Variants in ETS1 observed in about 807,000 individuals in gnomAD.
ETS1 encodes the protein ETS proto-oncogene 1, transcription factor, also known as protein C-ets-1.
Under a neutral mutation model 58.6 loss-of-function variants are expected in ETS1, and 15 were observed. The observed-to-expected ratio is 0.26, with a 90% CI of 0.17 to 0.39. The LOEUF is 0.39. Among genes scored for constraint, ETS1 ranks in the 10% least tolerant of loss-of-function variants. The pLI, the probability that ETS1 is intolerant of heterozygous loss-of-function variation, is 1.00. For missense variants in ETS1, 417 were observed against 610.5 expected (o/e 0.68, Z 3.34); for synonymous variants, 214 against 218.2 (o/e 0.98, Z 0.17).
rs367863500 is a variant in ETS1, at chr11:128,556,383, T to C, written c.122A>G (p.Gln41Arg). Residue 41 changes from glutamine to arginine, a missense_variant, in exon 3 of 10, where the codon CAG becomes CGG. By Grantham distance (43) the Gln-to-Arg change is conservative. Transcript: ENST00000392668. ...AGGTCTTTGCTGGTGATAATTGGAC[T>C]GGAAACCACAGTTCATTCGAGGATC... ...YEDPRMNCGF[Q>R]SNYHQQRPCY... 9 of 1,613,298 alleles carry C rather than the reference T, an allele frequency of 5.6e-6. No homozygotes were observed. The highest frequency in any genetic ancestry group is 3.4e-6 in the Non-Finnish European group (4 of 1,179,444).
chr11:128,554,501 A>G (rs767905731), intron 3 of ETS1, among the ~76,000 whole-genome samples: 8 of 152,152 alleles, frequency 5.3e-5, no homozygotes, highest in Non-Finnish European at 1.0e-4. Context: ...ACTGTCTCAT[A>G]GGCCATGAAA....
chr11:128,485,170 T>C, intron 6 of ETS1, 99 bp from the exon 7 acceptor site: 1 of 1,061,718 alleles, frequency 9.4e-7, no homozygotes. Flanking sequence ...GACAAGCTCC[T>C]TAGAGAATAA....
chr11:128,585,177 A>G lies in ETS1; in HGVS notation c.-15+2311T>C, dbSNP rs1469824389. Among the ~76,000 whole-genome samples the G allele has an allele frequency of 1.7e-3, 94 of 53,846 alleles. 4 individuals carry two copies. Among genetic ancestry groups the G allele is most frequent in the East Asian group, 2.2e-3 (3 of 1,336 alleles). The allele number at this position is 53,846 out of a possible 152,430, so 35.3% of individuals were successfully genotyped here. A position where few individuals can be genotyped will look rare whatever the true frequency, so the allele number is the denominator to read the frequency against. On this transcript the variant is annotated intron_variant, in intron 1 of 9. Coordinates refer to ENST00000392668, the MANE Select transcript of ETS1 (RefSeq NM_001143820.2). ...GAAAGAAAGAAAGAAAGAGAAAGAA[A>G]GAAAGAAAGAAGGAAGGAAAGAAAG...
At chr11:128,491,561 G>T (rs80199219) in intron 3 of ETS1, among the ~76,000 whole-genome samples, 4,414 of 152,322 alleles carry the variant, frequency 0.029, 76 homozygotes, top group Non-Finnish European at 0.046. Context: ...TTCTCAAAGT[G>T]TAGTCCTCAG....
chr11:128,578,100 T>G (rs1056834292), intron 1 of ETS1, among the ~76,000 whole-genome samples: 3 of 152,212 alleles, frequency 2.0e-5, no homozygotes, highest in Non-Finnish European at 2.9e-5. Flanking sequence ...TAGAGAGTTC[T>G]ATTCTTCATA....
intron 1 of ETS1, among the ~76,000 whole-genome samples, chr11:128,577,398 G>T (rs191595273): frequency 8.5e-5 from 13 of 152,052 alleles, no homozygotes; most frequent in Non-Finnish European, 1.9e-4. Flanking sequence ...GCCTTTCTCC[G>T]TACTCTGACA....
chr11:128,476,892 A>C (rs1862338185), intron 8 of ETS1, among the ~76,000 whole-genome samples: 1 of 152,274 alleles, frequency 6.6e-6, no homozygotes, highest in Non-Finnish European at 1.5e-5. Flanking sequence ...GCTAACAGGC[A>C]GGCTTTCAAG....
chr11:128,468,829 A>C (rs546270551), intron 8 of ETS1, among the ~76,000 whole-genome samples: 26 of 152,300 alleles, frequency 1.7e-4, no homozygotes, highest in African/African-American at 6.0e-4. Context: ...ACAGTGCCTC[A>C]CCAACAAACA....
At chr11:128,530,852 G>C (rs1863886163) in intron 3 of ETS1, among the ~76,000 whole-genome samples, 1 of 152,180 alleles carries the variant, frequency 6.6e-6, no homozygotes, top group South Asian at 2.1e-4. Flanking sequence ...CCACAGCATT[G>C]AGAGAGACCA....
chr11:128,527,456 C>T (rs1863821024), intron 3 of ETS1: 1 of 158,128 alleles, frequency 6.3e-6, no homozygotes, highest in Admixed American at 5.9e-5. Flanking sequence ...TCTGAGGTCT[C>T]ATCCACACTC....
At chr11:128,559,279 T>G (rs1864366316) in intron 2 of ETS1, among the ~76,000 whole-genome samples, 1 of 152,204 alleles carries the variant, frequency 6.6e-6, no homozygotes, top group African/African-American at 2.4e-5. Flanking sequence ...CTGGGAACAA[T>G]GTGCAGAGGA....
chr11:128,574,919 C>A (rs1864711864), intron 1 of ETS1, among the ~76,000 whole-genome samples: 1 of 152,170 alleles, frequency 6.6e-6, no homozygotes, highest in Admixed American at 6.5e-5. Context: ...TGTTGATCAT[C>A]CCTCCAGGGT....
At chr11:128,523,243 G>T (rs1863736170) in intron 3 of ETS1, among the ~76,000 whole-genome samples, 1 of 152,220 alleles carries the variant, frequency 6.6e-6, no homozygotes, top group Non-Finnish European at 1.5e-5. Flanking sequence ...AGCCATGACA[G>T]AATCACAATG....
At chr11:128,568,730 C>T (rs995734503) in intron 2 of ETS1, among the ~76,000 whole-genome samples, 1 of 152,218 alleles carries the variant, frequency 6.6e-6, no homozygotes, top group Admixed American at 6.5e-5. Context: ...ACCACTGTGG[C>T]TCCCATGGTT....
At chr11:128,471,626 C>T (rs1445229317) in intron 8 of ETS1, among the ~76,000 whole-genome samples, 1 of 152,144 alleles carries the variant, frequency 6.6e-6, no homozygotes, top group Non-Finnish European at 1.5e-5. Flanking sequence ...TTCTAGGTAA[C>T]CGGTTCTTTT....
In ETS1 at chr11:128,486,106, G is replaced by C; in HGVS notation, c.576C>G (p.Ala192=). The C allele has an allele frequency of 6.2e-7, 1 of 1,612,038 alleles. No homozygotes were observed. The highest frequency in any genetic ancestry group is 8.5e-7 in the Non-Finnish European group (1 of 1,178,172). Reference sequence around the variant, plus strand: ...CCGAGGTATAGCGGGATTCTGGATAGGCTGGGTTGACTCCATTAACTTGAT... The same window carrying C: ...CCGAGGTATAGCGGGATTCTGGATACGCTGGGTTGACTCCATTAACTTGAT... ...KPYQVNGVNP[A]YPESRYTSDY... is the part of the protein sequence containing the mutation. The change falls in exon 6 of 10, where the codon GCC becomes GCG. Residue 192 remains alanine, a synonymous_variant. Transcript: ENST00000392668.
At chr11:128,529,215 A>G (rs769726741) in intron 3 of ETS1, 2 of 152,212 alleles carry the variant, frequency 1.3e-5, no homozygotes, top group Non-Finnish European at 2.9e-5. Context: ...GGTGCTTACT[A>G]CAAATCCCTT....
chr11:128,485,100 G>A (rs371160193), intron 6 of ETS1, 29 bp from the exon 7 acceptor site: 23 of 1,597,878 alleles, frequency 1.4e-5, no homozygotes, highest in South Asian at 4.5e-5. Context: ...CAAGTAAAGA[G>A]AGGAGAGATT....
rs768471010 is a variant in ETS1, at chr11:128,462,369, C to T, written c.1450G>A (p.Asp484Asn). The change falls in exon 10 of 10, where the codon GAC becomes AAC. Residue 484 changes from aspartate to asparagine, a missense_variant. By Grantham distance (23) the Asp-to-Asn change is conservative. Coordinates refer to ENST00000392668, the MANE Select transcript of ETS1 (RefSeq NM_001143820.2). ...HAMLDVKPDA[D>N]E ...CAGCCCCTTCAGTGCCATCACTCGT[C>T]GGCATCTGGCTTGACGTCCAGCATG... is the stretch of plus-strand genomic sequence containing the variant. 1.4e-5 allele frequency: 23 copies of T among 1,611,444 alleles called. No individual in the cohort carries two copies. The highest frequency in any genetic ancestry group is 2.2e-5 in the East Asian group (1 of 44,810).
Sources: allele counts gnomAD v4.1 joint callset (sites outside exome capture counted in the v4.1 genomes callset), GRCh38; gene constraint gnomAD v4.1.1; transcripts MANE v1.5; gene names NCBI Gene and HGNC (gene_info 2026-07-23, HGNC 2026-07-21).